Variants in NAALADL2 observed in about 807,000 individuals in gnomAD.
NAALADL2 encodes the protein N-acetylated alpha-linked acidic dipeptidase like 2.
NAALADL2 carries 76 observed loss-of-function variants against 87.2 expected under a neutral mutation model. The ratio of observed to expected loss-of-function variants is 0.87; its 90% CI spans 0.72 to 1.05. NAALADL2 has a LOEUF of 1.05. NAALADL2 is among the 50% of genes least tolerant of loss of function. The pLI is 0.00. For missense variants in NAALADL2, 1,089 were observed against 945.8 expected (o/e 1.15, Z -1.99); for synonymous variants, 354 against 331.0 (o/e 1.07, Z -0.75).
rs1458599872 is a variant in NAALADL2 at position 175,423,051 on chromosome 3, A to ATATATATT, written c.1091-24177_1091-24176insATATATTT. On this transcript the variant is annotated intron_variant, in intron 5 of 13. Transcript: ENST00000454872. ...AAAATATATATATATATATATATAT[A>ATATATATT]TTTTTTTTTTTTCCTGAGTTGTAGA... Among the ~76,000 whole-genome samples, 71 of 91,502 alleles carry ATATATATT rather than the reference A, an allele frequency of 7.8e-4. 1 individual carries two copies. Among genetic ancestry groups the ATATATATT allele is most frequent in the Non-Finnish European group, 1.1e-3 (54 of 49,624 alleles). 60.0% of individuals were successfully genotyped at this position (91,502 alleles called of 152,430 possible).
intron 9 of NAALADL2, among the ~76,000 whole-genome samples, chr3:175,553,391 A>G (rs2149494799): frequency 6.6e-6 from 1 of 152,126 alleles, no homozygotes; most frequent in East Asian, 1.9e-4. Context: ...AAATATTTTT[A>G]GGATGCTTTT....
At chr3:175,506,148 C>G (rs1381754818) in intron 9 of NAALADL2, among the ~76,000 whole-genome samples, 3 of 152,076 alleles carry the variant, frequency 2.0e-5, no homozygotes, top group African/African-American at 4.8e-5. Flanking sequence ...TATTTCATTG[C>G]TTTTTGCTCA....
intron 11 of NAALADL2, among the ~76,000 whole-genome samples, chr3:175,631,095 CTA>C (rs1727698239): frequency 6.6e-6 from 1 of 151,366 alleles, no homozygotes. Context: ...TGTAATACAA[CTA>C]TTATCCTCTT....
At chr3:174,519,453 C>T (rs747577999) in intron 1 of NAALADL2, among the ~76,000 whole-genome samples, 9 of 151,354 alleles carry the variant, frequency 5.9e-5, no homozygotes, top group Non-Finnish European at 1.2e-4. Flanking sequence ...CTCAGCATCA[C>T]GAATAGCTGG....
chr3:175,452,413 G>GA (rs1390359978), intron 6 of NAALADL2, among the ~76,000 whole-genome samples: 1 of 151,682 alleles, frequency 6.6e-6, no homozygotes, highest in Non-Finnish European at 1.5e-5. Flanking sequence ...GGCCTTAAAA[G>GA]AAAAAAAAGA....
intron 11 of NAALADL2, among the ~76,000 whole-genome samples, chr3:175,680,032 G>A (rs1167297516): frequency 6.6e-6 from 1 of 152,124 alleles, no homozygotes; most frequent in Non-Finnish European, 1.5e-5. Context: ...CTTACCTTAG[G>A]ATGAAATTTT....
At chr3:174,691,373 C>T (rs1318717136) in intron 2 of NAALADL2, among the ~76,000 whole-genome samples, 17 of 151,818 alleles carry the variant, frequency 1.1e-4, no homozygotes, top group Non-Finnish European at 5.9e-5. Flanking sequence ...GATCGCGCCA[C>T]TGCACTCTGG....
intron 2 of NAALADL2, among the ~76,000 whole-genome samples, chr3:174,727,700 T>C (rs910645484): frequency 6.6e-6 from 1 of 152,126 alleles, no homozygotes; most frequent in Non-Finnish European, 1.5e-5. Context: ...TTTGTTATAG[T>C]TGATGAACCA....
intron 1 of NAALADL2, among the ~76,000 whole-genome samples, chr3:174,987,828 A>G (rs1456107115): frequency 1.5e-5 from 2 of 132,360 alleles, no homozygotes; most frequent in Non-Finnish European, 1.5e-5. Flanking sequence ...ATATATATAT[A>G]ATGAGACCTT....
intron 11 of NAALADL2, among the ~76,000 whole-genome samples, chr3:175,656,972 T>G (rs1731555529): frequency 6.6e-6 from 1 of 152,202 alleles, no homozygotes; most frequent in South Asian, 2.1e-4. Flanking sequence ...AAACTTCGTG[T>G]ATCACTTTTA....
At chr3:175,214,608 A>ATT (rs11420398) in intron 2 of NAALADL2, among the ~76,000 whole-genome samples, 3 of 151,704 alleles carry the variant, frequency 2.0e-5, no homozygotes, top group Admixed American at 1.3e-4. Flanking sequence ...TCAGAAAACC[A>ATT]TTTTTTTCTT....
chr3:174,605,880 G>T (rs891668989), intron 2 of NAALADL2, among the ~76,000 whole-genome samples: 1 of 152,176 alleles, frequency 6.6e-6, no homozygotes, highest in African/African-American at 2.4e-5. Context: ...GTGGGTCCCT[G>T]ACCCCTGATC....
chr3:174,610,859 T>G (rs1186675989), intron 2 of NAALADL2, among the ~76,000 whole-genome samples: 1 of 152,192 alleles, frequency 6.6e-6, no homozygotes, highest in African/African-American at 2.4e-5. Flanking sequence ...TAAAGACACA[T>G]GCACACATAT....
chr3:175,142,067 C>T lies in NAALADL2; in HGVS notation c.545+44776C>T, dbSNP rs184865032. On this transcript the variant is annotated intron_variant, in intron 2 of 13. Transcript: ENST00000454872. ...GTCTTATTCTTTCTTAAACTACCCT[C>T]GACCTCATGCCCAGCACAATCGATG... is the stretch of plus-strand genomic sequence containing the variant. 2.7e-3 allele frequency among the ~76,000 whole-genome samples: 414 copies of T among 152,160 alleles called. 3 individuals are homozygous for T. Among genetic ancestry groups the T allele is most frequent in the African/African-American group, 9.4e-3 (389 of 41,542 alleles).
At chr3:175,540,179 A>G (rs1015173813) in intron 9 of NAALADL2, among the ~76,000 whole-genome samples, 1 of 152,200 alleles carries the variant, frequency 6.6e-6, no homozygotes, top group Non-Finnish European at 1.5e-5. Flanking sequence ...TGTGAAGAAA[A>G]ACAAAGGAGG....
At chr3:174,552,948 A>G (rs1032509573) in intron 2 of NAALADL2, among the ~76,000 whole-genome samples, 2 of 152,096 alleles carry the variant, frequency 1.3e-5, no homozygotes, top group Non-Finnish European at 1.5e-5. Context: ...ATAGGTGACT[A>G]TAGACATATG....
chr3:174,977,651 A>G (rs913352292), intron 1 of NAALADL2, among the ~76,000 whole-genome samples: 6 of 152,160 alleles, frequency 3.9e-5, no homozygotes, highest in African/African-American at 4.8e-5. Context: ...TACCTGCCCC[A>G]GCTTTCTTCC....
At chr3:174,588,352 C>T (rs984044756) in intron 2 of NAALADL2, among the ~76,000 whole-genome samples, 6 of 152,138 alleles carry the variant, frequency 3.9e-5, no homozygotes, top group South Asian at 2.1e-4. Flanking sequence ...TATTACCGAT[C>T]GTCTGAAGCC....
intron 9 of NAALADL2, among the ~76,000 whole-genome samples, chr3:175,538,495 A>T (rs899783094): frequency 1.3e-5 from 2 of 152,060 alleles, no homozygotes; most frequent in Non-Finnish European, 2.9e-5. Context: ...TATGAGCCCC[A>T]TAGAATAGGT....
Sources: gnomAD v4.1 joint callset for allele counts (sites outside exome capture counted in the v4.1 genomes callset) on GRCh38, gnomAD v4.1.1 for gene constraint, MANE v1.5 for transcripts, NCBI Gene and HGNC (gene_info 2026-07-23, HGNC 2026-07-21) for gene names.